The following WNK2 variants were observed in gnomAD, a reference collection of about 807,000 sequenced individuals.
The protein encoded by WNK2 is serine/threonine-protein kinase WNK2.
WNK2 carries 67 observed loss-of-function variants against 192.1 expected under a neutral mutation model. The ratio of observed to expected loss-of-function variants is 0.35; its 90% confidence interval spans 0.29 to 0.43. The LOEUF (loss-of-function observed/expected upper bound fraction) is 0.43. WNK2 is among the 20% of genes least tolerant of loss of function. The pLI is 1.00. For missense variants in WNK2, 2,698 were observed against 3,089.7 expected (o/e 0.87, Z 3.01); for synonymous variants, 1,439 against 1,393.9 (o/e 1.03, Z -0.72).
chr9:93,266,590 T>C (rs1006187468), intron 16 of WNK2, among the ~76,000 whole-genome samples: 1 of 152,220 alleles, frequency 6.6e-6, no homozygotes, highest in East Asian at 1.9e-4. Flanking sequence ...TGTTCCAACT[T>C]TGGCCACAGT....
Position 93,233,286 on chromosome 9 carries a change from G to T in WNK2, c.1076-1522G>T, listed in dbSNP as rs187397639. The stretch of plus-strand genomic sequence containing the variant: ...ACCCAAAAGAATAAAAGTTCCCGGC[G>T]TCAGGCCCCTCCACTCAGCTCCTGT... On this transcript the variant is annotated intron_variant, in intron 4 of 29. Coordinates refer to ENST00000427277, the MANE Select transcript of WNK2 (RefSeq NM_006648.4). Among the ~76,000 whole-genome samples the T allele has an allele frequency of 1.5e-3, 226 of 152,074 alleles. 1 individual carries two copies. Among genetic ancestry groups the T allele is most frequent in the Middle Eastern group, 0.01 (3 of 292 alleles).
chr9:93,253,685 C>T (rs951733526), intron 9 of WNK2, among the ~76,000 whole-genome samples: 3 of 152,132 alleles, frequency 2.0e-5, no homozygotes, highest in African/African-American at 2.4e-5. Flanking sequence ...TCAGGGAGCA[C>T]GTGTGGCAAA....
Position 93,185,112 on chromosome 9 carries a change from G to A in WNK2, c.183G>A (p.Glu61=). The A allele has an allele frequency of 7.6e-7, 1 of 1,311,094 alleles. No homozygotes were observed. Among genetic ancestry groups the A allele is most frequent in the Non-Finnish European group, 9.8e-7 (1 of 1,025,004 alleles). The allele number at this position is 1,311,094 out of a possible 1,614,324, so 81.2% of individuals were successfully genotyped here. ...QEEPPGLEAA[E]APGPQPPQPL... ...AGCCGCCGGGCTTGGAGGCAGCCGAGGCGCCGGGCCCGCAGCCCCCGCAGC... is the reference window on the plus strand; with the variant it reads ...AGCCGCCGGGCTTGGAGGCAGCCGAAGCGCCGGGCCCGCAGCCCCCGCAGC... The change falls in exon 2 of 30, where the codon GAG becomes GAA. Residue 61 remains glutamate, a synonymous_variant. Coordinates refer to ENST00000427277, the MANE Select transcript of WNK2 (RefSeq NM_006648.4).
intron 19 of WNK2, among the ~76,000 whole-genome samples, chr9:93,272,965 A>G (rs1311406485): frequency 6.6e-6 from 1 of 152,196 alleles, no homozygotes; most frequent in African/African-American, 2.4e-5. Flanking sequence ...TGAGCTAAGT[A>G]CATGCTATCT....
rs1407658626 is a variant in WNK2, at chr9:93,259,586, C to G, written c.3038C>G (p.Ala1013Gly). Reference protein sequence around the residue: ...EPLQPHLPEQAAPAATPGSQI... With the variant: ...EPLQPHLPEQGAPAATPGSQI... ...CTCCAGCCCCACCTTCCTGAACAAG[C>G]TGCTCCAGCTGCTACACCAGGGAGC... Residue 1013 changes from alanine to glycine, a missense_variant, in exon 12 of 30, where the codon GCT becomes GGT. Ala to Gly is a moderately conservative substitution (Grantham distance 60). This residue lies in a region of WNK2 where 893 missense variants were observed against 909.0 expected (regional missense o/e 0.98). Transcript: ENST00000427277. The surrounding 1 kb of genome is among the most constrained non-coding windows in gnomAD (Gnocchi z 4.8). 3.1e-6 allele frequency: 5 copies of G among 1,592,260 alleles called. No homozygotes were observed. The highest frequency in any genetic ancestry group is 4.2e-6 in the Non-Finnish European group (5 of 1,176,618).
At chr9:93,298,867 G>A (rs1183350815) in intron 24 of WNK2, among the ~76,000 whole-genome samples, 1 of 152,228 alleles carries the variant, frequency 6.6e-6, no homozygotes, top group African/African-American at 2.4e-5. Flanking sequence ...CAGCACGGCA[G>A]TGGGGGCTGG....
Position 93,247,768 on chromosome 9 carries a change from G to T in WNK2, c.1768G>T (p.Glu590Ter). 6.4e-7 allele frequency: 1 copy of T among 1,550,516 alleles called. No individual in the cohort carries two copies. The highest frequency in any genetic ancestry group is 8.7e-7 in the Non-Finnish European group (1 of 1,148,964). Reference sequence around the variant, plus strand: ...TGGGCAGCCCGGGCCACCAGAGCCCGAGGAGCCGGAGGCCGACCAGCACCT... The same window carrying T: ...TGGGCAGCCCGGGCCACCAGAGCCCTAGGAGCCGGAGGCCGACCAGCACCT... ...QAGQPGPPEPEEPEADQHLLP... is the reference protein window; with the variant it reads ...QAGQPGPPEP Residue 590 changes from glutamate (E) to a stop codon, truncating the protein, a stop_gained, in exon 8 of 30, where the codon GAG becomes TAG. Coordinates refer to ENST00000427277, the MANE Select transcript of WNK2 (RefSeq NM_006648.4). LOFTEE classifies it high-confidence loss of function. This position sits in a 1 kb window ranked among gnomAD's most constrained non-coding sequence, Gnocchi z 5.2.
intron 2 of WNK2, among the ~76,000 whole-genome samples, chr9:93,190,069 A>G (rs1830052935): frequency 6.6e-6 from 1 of 152,196 alleles, no homozygotes; most frequent in Admixed American, 6.5e-5. Flanking sequence ...ATTTGAAATC[A>G]GTTGGATGCC....
chr9:93,216,405 G>A (rs1324783255), intron 2 of WNK2, among the ~76,000 whole-genome samples: 2 of 152,072 alleles, frequency 1.3e-5, no homozygotes, highest in Non-Finnish European at 2.9e-5. Context: ...CAGCATTTTC[G>A]GAGGCTGAGG....
At chr9:93,203,577 G>GC (rs1832866004) in intron 2 of WNK2, among the ~76,000 whole-genome samples, 1 of 152,178 alleles carries the variant, frequency 6.6e-6, no homozygotes, top group Admixed American at 6.5e-5. Context: ...CTGTGGACGT[G>GC]CCACTGCACT....
At position 93,293,037 on chromosome 9, in the gene WNK2, C is replaced by G; in HGVS notation, c.5572C>G (p.Pro1858Ala). Reference protein sequence around the residue: ...SRAGSLGPETPSRVGMKVPTI... With the variant: ...SRAGSLGPETASRVGMKVPTI... The stretch of plus-strand genomic sequence containing the variant: ...GGCCGGCTCGCTGGGCCCCGAGACA[C>G]CCAGCAGGGTGGGCATGAAGGTCCC... The change falls in exon 23 of 30, where the codon CCC (proline) becomes GCC (alanine). Residue 1858 changes from proline (P) to alanine (A), a missense_variant. By Grantham distance (27) the Pro-to-Ala change is conservative. Around this residue, in one of 7 missense-constraint regions of WNK2, gnomAD observed 1,098 missense variants for 1,101.0 expected, o/e 1.00. Coordinates refer to ENST00000427277, the MANE Select transcript of WNK2 (RefSeq NM_006648.4). 8 of 1,609,020 alleles carry G rather than the reference C, an allele frequency of 5.0e-6. No homozygotes were observed. Among genetic ancestry groups the G allele is most frequent in the Non-Finnish European group, 6.8e-6 (8 of 1,177,948 alleles).
At chr9:93,248,418 G>A (rs1208293564) in intron 8 of WNK2, among the ~76,000 whole-genome samples, 1 of 152,276 alleles carries the variant, frequency 6.6e-6, no homozygotes, top group Non-Finnish European at 1.5e-5. Context: ...GTCCCACTCT[G>A]TGCTATGGAT....
intron 26 of WNK2, among the ~76,000 whole-genome samples, chr9:93,301,971 C>G (rs1280040902): frequency 1.3e-5 from 2 of 152,210 alleles, no homozygotes; most frequent in Non-Finnish European, 2.9e-5. Context: ...GGGCGCCTCT[C>G]AAGCCCTGTC....
chr9:93,185,853 C>T (rs1373951239), intron 2 of WNK2, among the ~76,000 whole-genome samples: 1 of 152,208 alleles, frequency 6.6e-6, no homozygotes, highest in Non-Finnish European at 1.5e-5. Flanking sequence ...GGGCAGGCCT[C>T]TGTTGTGCGT....
At chr9:93,245,419 G>A (rs1841517210) in intron 7 of WNK2, among the ~76,000 whole-genome samples, 1 of 152,140 alleles carries the variant, frequency 6.6e-6, no homozygotes, top group Non-Finnish European at 1.5e-5. Flanking sequence ...CCCTCGGGAC[G>A]GGCTCAGGTG....
At chr9:93,226,723 C>T (rs1837880516) in intron 2 of WNK2, among the ~76,000 whole-genome samples, 1 of 152,170 alleles carries the variant, frequency 6.6e-6, no homozygotes. Flanking sequence ...GGGGTCCTAC[C>T]AGACATATTC....
Position 93,257,898 on chromosome 9 carries a change from T to G in WNK2, c.2382+759T>G, listed in dbSNP as rs1051422009. ...GGCACCATTGCCCAGGTAAATGGCATGGAGGATTCTAGGTACTCCCGAGGG... is the reference window on the plus strand; with the variant it reads ...GGCACCATTGCCCAGGTAAATGGCAGGGAGGATTCTAGGTACTCCCGAGGG... On this transcript the variant is annotated intron_variant, in intron 11 of 29. Coordinates refer to ENST00000427277, the MANE Select transcript of WNK2 (RefSeq NM_006648.4). The surrounding 1 kb of genome is among the most constrained non-coding windows in gnomAD (Gnocchi z 4.7). Among the ~76,000 whole-genome samples, 2 of 152,212 alleles carry G rather than the reference T, an allele frequency of 1.3e-5. No homozygotes were observed. The highest frequency in any genetic ancestry group is 2.9e-5 in the Non-Finnish European group (2 of 68,038).
In WNK2 at chr9:93,262,566, T is replaced by C. The variant is rs960369673; in HGVS notation, c.3361-104T>C. 5.2e-5 allele frequency: 66 copies of C among 1,279,800 alleles called. No homozygotes were observed. The Admixed American group carries it at 1.2e-3, about 24-fold the overall frequency. The allele number at this position is 1,279,800 out of a possible 1,614,324, so 79.3% of individuals were successfully genotyped here. A position where few individuals can be genotyped will look rare whatever the true frequency, so the allele number is the denominator to read the frequency against. ...AGCAGGAGAACGCAGCGGGGCAGGCTGGGCTGAGGAAGTGGGGAGGGAGAG... is the reference window on the plus strand; with the variant it reads ...AGCAGGAGAACGCAGCGGGGCAGGCCGGGCTGAGGAAGTGGGGAGGGAGAG... On this transcript the variant is annotated intron_variant, in intron 13 of 29. Transcript: ENST00000427277.
chr9:93,308,871 C>A (rs1415534018), intron 28 of WNK2: 2 of 1,314,656 alleles, frequency 1.5e-6, no homozygotes, highest in African/African-American at 1.5e-5. Context: ...CCAGCCTGGG[C>A]AGCCCAAGCC....
Sources: allele counts gnomAD v4.1 joint callset (sites outside exome capture counted in the v4.1 genomes callset), GRCh38; gene constraint gnomAD v4.1.1; regional missense constraint gnomAD v4.1.1; non-coding constraint Gnocchi (gnomAD v3.1); transcripts MANE v1.5; gene names NCBI Gene and HGNC (gene_info 2026-07-23, HGNC 2026-07-21).